Variants in PLBD1 observed in about 807,000 individuals in gnomAD.
The protein encoded by PLBD1 is lysosomal leucine aminopeptidase.
In PLBD1, 60 loss-of-function variants were observed where a neutral mutation model predicts 63.0. That is an observed-to-expected ratio of 0.95 (90% confidence interval 0.77 to 1.18). The LOEUF is 1.18. Among genes scored for constraint, PLBD1 ranks in the 50% most tolerant of loss-of-function variants. The probability of loss-of-function intolerance (pLI) is 0.00; values close to 1 mark genes in which losing one functional copy is unlikely to be tolerated. For missense variants in PLBD1, 598 were observed against 677.9 expected (o/e 0.88, Z 1.31); for synonymous variants, 262 against 248.0 (o/e 1.06, Z -0.53).
chr12:14,533,565 CCA>C (rs1447280484), intron 6 of PLBD1, among the ~76,000 whole-genome samples: 4 of 152,180 alleles, frequency 2.6e-5, no homozygotes, highest in African/African-American at 4.8e-5. Flanking sequence ...GCATTGTATT[CCA>C]CAGAGATTTC....
chr12:14,516,602 A>G (rs1339941491), intron 6 of PLBD1, among the ~76,000 whole-genome samples: 5 of 152,180 alleles, frequency 3.3e-5, no homozygotes, highest in Non-Finnish European at 7.3e-5. Context: ...GGGAGGTGAT[A>G]GCATACCTGT....
At chr12:14,517,497 T>TA (rs909306967) in intron 6 of PLBD1, among the ~76,000 whole-genome samples, 382 of 145,394 alleles carry the variant, frequency 2.6e-3, no homozygotes, top group African/African-American at 8.0e-3. Context: ...GCATCATTTC[T>TA]AAAAAAAAAA....
chr12:14,506,244 C>G lies in PLBD1; in HGVS notation c.1397G>C (p.Arg466Thr), dbSNP rs1164187945. The G allele has an allele frequency of 2.5e-6, 4 of 1,611,792 alleles. No individual in the cohort carries two copies. The highest frequency in any genetic ancestry group is 2.7e-5 in the African/African-American group (2 of 74,824). ...YNNYKKDPYS[R>T]GDPCNTICCR... ...GCAGATGGTATTACAGGGGTCACCT[C>G]TACTGTAAGGATCCTTCTTATAATC... The change falls in exon 10 of 11, where the codon AGA (arginine) becomes ACA (threonine). Residue 466 changes from arginine to threonine, a missense_variant. Coordinates refer to ENST00000240617, the MANE Select transcript of PLBD1 (RefSeq NM_024829.6).
chr12:14,514,868 C>G (rs1426492156), intron 6 of PLBD1, among the ~76,000 whole-genome samples: 1 of 151,938 alleles, frequency 6.6e-6, no homozygotes, highest in Non-Finnish European at 1.5e-5. Context: ...CCACCACACC[C>G]TAACTAAAAT....
chr12:14,561,254 A>G (rs1945740531), intron 1 of PLBD1, among the ~76,000 whole-genome samples: 1 of 151,740 alleles, frequency 6.6e-6, no homozygotes, highest in South Asian at 2.1e-4. Context: ...AGATTTGCTT[A>G]GATCTGGAAT....
chr12:14,523,300 T>C (rs769931464), intron 6 of PLBD1, among the ~76,000 whole-genome samples: 7 of 152,096 alleles, frequency 4.6e-5, no homozygotes, highest in Non-Finnish European at 8.8e-5. Flanking sequence ...AAGATCTCTA[T>C]GATGAAACCT....
chr12:14,518,947 A>T (rs1945355483), intron 6 of PLBD1, among the ~76,000 whole-genome samples: 1 of 152,302 alleles, frequency 6.6e-6, no homozygotes, highest in East Asian at 1.9e-4. Context: ...GCCAAAAAAA[A>T]AATGCTCGTA....
chr12:14,536,360 T>C (rs1298273591), intron 5 of PLBD1, among the ~76,000 whole-genome samples: 2 of 152,140 alleles, frequency 1.3e-5, no homozygotes, highest in African/African-American at 2.4e-5. Flanking sequence ...GCATACAGCA[T>C]GGGAGGAATG....
At chr12:14,561,567 G>A (rs1945742295) in intron 1 of PLBD1, among the ~76,000 whole-genome samples, 1 of 152,028 alleles carries the variant, frequency 6.6e-6, no homozygotes, top group Admixed American at 6.6e-5. Flanking sequence ...ACTTTCTTTT[G>A]TTTTGAGACA....
At chr12:14,520,726 G>A (rs1308547807) in intron 6 of PLBD1, among the ~76,000 whole-genome samples, 2 of 152,190 alleles carry the variant, frequency 1.3e-5, no homozygotes, top group African/African-American at 2.4e-5. Flanking sequence ...CGTCTTCCCA[G>A]TCAAGGTCGG....
intron 6 of PLBD1, among the ~76,000 whole-genome samples, chr12:14,521,756 A>G (rs1176405729): frequency 6.6e-6 from 1 of 152,098 alleles, no homozygotes; most frequent in Admixed American, 6.5e-5. Flanking sequence ...AAGCAAGAAA[A>G]CATGATACCA....
intron 6 of PLBD1, among the ~76,000 whole-genome samples, chr12:14,532,323 G>T (rs1945472062): frequency 6.6e-6 from 1 of 152,218 alleles, no homozygotes; most frequent in Non-Finnish European, 1.5e-5. Flanking sequence ...CCCGCCCCAA[G>T]GACTGACCGA....
chr12:14,516,976 T>G (rs890295578), intron 6 of PLBD1, among the ~76,000 whole-genome samples: 6 of 151,924 alleles, frequency 3.9e-5, no homozygotes, highest in Non-Finnish European at 5.9e-5. Flanking sequence ...GAGGCAGAGG[T>G]TGCAGTGAGC....
At chr12:14,512,152 CTTTT>C (rs10708766) in intron 6 of PLBD1, among the ~76,000 whole-genome samples, 2 of 137,580 alleles carry the variant, frequency 1.5e-5, no homozygotes, top group Non-Finnish European at 1.6e-5. Context: ...TATAAGTCTA[CTTTT>C]TTTTTTTTTT....
chr12:14,524,773 T>C (rs1945404267), intron 6 of PLBD1, among the ~76,000 whole-genome samples: 1 of 152,216 alleles, frequency 6.6e-6, no homozygotes, highest in South Asian at 2.1e-4. Flanking sequence ...GGTCTTGATA[T>C]TGGGTTTAGC....
intron 2 of PLBD1, among the ~76,000 whole-genome samples, chr12:14,548,885 C>A (rs1410340006): frequency 6.6e-6 from 1 of 152,212 alleles, no homozygotes; most frequent in Non-Finnish European, 1.5e-5. Context: ...CATAAGAGAT[C>A]AGCTGCTTTA....
At position 14,540,744 on chromosome 12, in the gene PLBD1, A is replaced by G. The variant is rs984726106; in HGVS notation, c.558+20T>C. On this transcript the variant is annotated intron_variant, in intron 4 of 10. Transcript: ENST00000240617. ...CTTACCATACTCTATAAATTCTGAGAAGCTTGTTTAAAGTCCTACCTTTGT... is the reference window on the plus strand; with the variant it reads ...CTTACCATACTCTATAAATTCTGAGGAGCTTGTTTAAAGTCCTACCTTTGT... 3 of 1,543,664 alleles carry G rather than the reference A, an allele frequency of 1.9e-6. No homozygotes were observed. The highest frequency in any genetic ancestry group is 2.6e-6 in the Non-Finnish European group (3 of 1,138,944).
rs545127611 is a variant in PLBD1, at chr12:14,535,405, A to G, written c.844+254T>C. Reference sequence around the variant, plus strand: ...ACATACTCAGTTGGCATTTGTTGAAATAAATTTAGATGTAGCCATTTACAT... The same window carrying G: ...ACATACTCAGTTGGCATTTGTTGAAGTAAATTTAGATGTAGCCATTTACAT... On this transcript the variant is annotated intron_variant, in intron 6 of 10. Transcript: ENST00000240617. Among the ~76,000 whole-genome samples, 99 of 152,358 alleles carry G rather than the reference A, an allele frequency of 6.5e-4. 1 individual carries two copies. Among genetic ancestry groups the G allele is most frequent in the African/African-American group, 2.3e-3 (97 of 41,582 alleles).
chr12:14,509,962 C>G (rs1335588492), intron 8 of PLBD1, among the ~76,000 whole-genome samples: 1 of 152,102 alleles, frequency 6.6e-6, no homozygotes, highest in Non-Finnish European at 1.5e-5. Flanking sequence ...TTCTTGGGAG[C>G]CAGATGAGTC....
Sources: allele counts gnomAD v4.1 joint callset (sites outside exome capture counted in the v4.1 genomes callset), GRCh38; gene constraint gnomAD v4.1.1; transcripts MANE v1.5; gene names NCBI Gene and HGNC (gene_info 2026-07-23, HGNC 2026-07-21).